The following SHANK2 variants were observed in gnomAD, a reference collection of about 807,000 sequenced individuals.
SHANK2 encodes the protein SH3 and multiple ankyrin repeat domains protein 2.
A neutral mutation model predicts 133.7 loss-of-function variants in SHANK2; 43 were observed. The observed-to-expected ratio is 0.32, with a 90% CI of 0.25 to 0.41. The LOEUF (loss-of-function observed/expected upper bound fraction) is 0.41, where lower values mean the gene tolerates loss of function less well. Among genes scored for constraint, SHANK2 ranks in the 10% least tolerant of loss-of-function variants. The probability of loss-of-function intolerance (pLI) is 1.00; values close to 1 mark genes in which losing one functional copy is unlikely to be tolerated. For synonymous variants in SHANK2, 1,017 were observed against 952.8 expected, an observed-to-expected ratio of 1.07 and a Z score of -1.24; for missense variants, 1,994 against 2,235.8, an observed-to-expected ratio of 0.89 and a Z score of 2.18.
intron 14 of SHANK2, among the ~76,000 whole-genome samples, chr11:70,776,094 C>T (rs752183607): frequency 3.6e-4 from 55 of 152,344 alleles, no homozygotes; most frequent in African/African-American, 5.8e-4. Context: ...AGCAAGAGAA[C>T]GCAGGTCTGT....
At chr11:70,605,936 A>T (rs947108147) in intron 17 of SHANK2, among the ~76,000 whole-genome samples, 1 of 152,120 alleles carries the variant, frequency 6.6e-6, no homozygotes, top group Non-Finnish European at 1.5e-5. Flanking sequence ...CCCTTCTAGA[A>T]CAACCTATTA....
At chr11:70,639,782 G>A (rs2061152709) in intron 17 of SHANK2, among the ~76,000 whole-genome samples, 1 of 152,110 alleles carries the variant, frequency 6.6e-6, no homozygotes, top group African/African-American at 2.4e-5. Flanking sequence ...GGTGGGTTCT[G>A]GCCTCCAGGG....
chr11:70,482,393 G>A (rs948171734), intron 25 of SHANK2, among the ~76,000 whole-genome samples: 27 of 152,212 alleles, frequency 1.8e-4, no homozygotes, highest in African/African-American at 6.0e-4. Flanking sequence ...GAGCAGCCCC[G>A]CCCGCGGCAG....
chr11:71,069,440 C>T (rs1951114134), intron 9 of SHANK2, among the ~76,000 whole-genome samples: 1 of 152,118 alleles, frequency 6.6e-6, no homozygotes, highest in Non-Finnish European at 1.5e-5. Flanking sequence ...TCACCACCAT[C>T]ATCAGCACCA....
At chr11:70,940,540 C>A (rs782455967) in intron 10 of SHANK2, among the ~76,000 whole-genome samples, 1 of 151,980 alleles carries the variant, frequency 6.6e-6, no homozygotes, top group South Asian at 2.1e-4. Context: ...TCTACCCACC[C>A]AGGCAGTGGT....
At chr11:70,760,630 G>C (rs909913797) in intron 14 of SHANK2, among the ~76,000 whole-genome samples, 1 of 152,250 alleles carries the variant, frequency 6.6e-6, no homozygotes, top group Non-Finnish European at 1.5e-5. Flanking sequence ...GAGGGGACTC[G>C]ATGAATCCCT....
At chr11:71,097,257 G>A (rs782666767) in intron 6 of SHANK2, among the ~76,000 whole-genome samples, 2 of 151,988 alleles carry the variant, frequency 1.3e-5, no homozygotes, top group Admixed American at 1.3e-4. Flanking sequence ...GAGCACGTCC[G>A]CTGAGGTTCC....
At chr11:70,904,463 C>T (rs533675961) in intron 10 of SHANK2, among the ~76,000 whole-genome samples, 32 of 151,980 alleles carry the variant, frequency 2.1e-4, no homozygotes, top group South Asian at 1.3e-3. Flanking sequence ...CTCATAGCTC[C>T]CATAATTCCC....
chr11:71,057,921 T>TG (rs1950941425), intron 9 of SHANK2, among the ~76,000 whole-genome samples: 1 of 150,038 alleles, frequency 6.7e-6, no homozygotes. Context: ...ACGGTTTTTT[T>TG]TTTTTTTTTT....
intron 21 of SHANK2, among the ~76,000 whole-genome samples, chr11:70,498,458 A>G (rs1485628688): frequency 2.6e-5 from 4 of 152,186 alleles, no homozygotes; most frequent in Non-Finnish European, 5.9e-5. Context: ...GTCTGAAGGT[A>G]CAGCCATAGG....
intron 17 of SHANK2, among the ~76,000 whole-genome samples, chr11:70,544,041 A>T (rs782521892): frequency 6.6e-6 from 1 of 152,236 alleles, no homozygotes; most frequent in South Asian, 2.1e-4. Context: ...AGTCCCCCCA[A>T]ATTTGGCCTC....
chr11:70,524,903 C>T (rs1342442583), intron 17 of SHANK2, among the ~76,000 whole-genome samples: 24 of 152,264 alleles, frequency 1.6e-4, no homozygotes, highest in Admixed American at 1.5e-3. Flanking sequence ...CGCACACAGG[C>T]ACGAGGCTTG....
At chr11:71,102,169 G>A (rs1555096753) in intron 6 of SHANK2, among the ~76,000 whole-genome samples, 2 of 152,068 alleles carry the variant, frequency 1.3e-5, no homozygotes, top group Admixed American at 1.3e-4. Context: ...TTCGCTTCCT[G>A]TTTGGGGCTT....
intron 15 of SHANK2, among the ~76,000 whole-genome samples, chr11:70,681,967 C>T (rs569772835): frequency 1.3e-5 from 2 of 152,186 alleles, no homozygotes; most frequent in South Asian, 2.1e-4. Context: ...CTAAGGGAAA[C>T]GCATCTGGGT....
intron 14 of SHANK2, among the ~76,000 whole-genome samples, chr11:70,759,328 T>C (rs2134965977): frequency 6.6e-6 from 1 of 151,278 alleles, no homozygotes; most frequent in South Asian, 2.1e-4. Context: ...CTAGTAAAAA[T>C]ACAAAAATTA....
Position 71,075,209 on chromosome 11 carries a change from G to T in SHANK2, c.979C>A (p.Gln327Lys). The part of the protein sequence containing the change: ...LLFYGADMSA[Q>K]NASGNTALHI... Reference sequence around the variant, plus strand: ...AAGGCCGTGTTCCCCGAGGCATTCTGGGCACTCATGTCTGCCCCGTAGAAC... The same window carrying T: ...AAGGCCGTGTTCCCCGAGGCATTCTTGGCACTCATGTCTGCCCCGTAGAAC... Residue 327 changes from glutamine to lysine, a missense_variant, in exon 9 of 26, where the codon CAG becomes AAG. This residue lies in a region of SHANK2 where 653 missense variants were observed against 563.4 expected (regional missense o/e 1.16). Coordinates refer to ENST00000601538, the MANE Select transcript of SHANK2 (RefSeq NM_012309.5). 1 of 261,380 alleles carries T rather than the reference G, an allele frequency of 3.8e-6. No homozygotes were observed. Among genetic ancestry groups the T allele is most frequent in the Non-Finnish European group, 7.8e-6 (1 of 127,702 alleles). 16.2% of individuals were successfully genotyped at this position (261,380 alleles called of 1,614,324 possible).
chr11:70,713,902 GC>G (rs1945852639), intron 14 of SHANK2, among the ~76,000 whole-genome samples: 1 of 152,256 alleles, frequency 6.6e-6, no homozygotes, highest in South Asian at 2.1e-4. Flanking sequence ...GTGCACACCA[GC>G]GATCTGTGCC....
rs996041990 is a variant in SHANK2, at chr11:70,739,442, G to A, written c.1778-40679C>T. On this transcript the variant is annotated intron_variant, in intron 14 of 25. Transcript: ENST00000601538. This position sits in a 1 kb window ranked among gnomAD's most constrained non-coding sequence, Gnocchi z 4.3. The stretch of plus-strand genomic sequence containing the variant: ...CCAGCCTTGACGCCCAGGCTGCCCC[G>A]TCCTCTCCTCTTGCCCCTGAAGTCT... Among the ~76,000 whole-genome samples, 9 of 152,182 alleles carry A rather than the reference G, an allele frequency of 5.9e-5. No homozygotes were observed. Among genetic ancestry groups the A allele is most frequent in the African/African-American group, 1.4e-4 (6 of 41,434 alleles).
At chr11:71,137,778 G>A (rs1220537135) in intron 3 of SHANK2, among the ~76,000 whole-genome samples, 12 of 152,248 alleles carry the variant, frequency 7.9e-5, no homozygotes, top group Non-Finnish European at 1.5e-4. Flanking sequence ...CTGCCATTCA[G>A]GATCACGACC....
Sources: gnomAD v4.1 joint callset for allele counts (sites outside exome capture counted in the v4.1 genomes callset) on GRCh38, gnomAD v4.1.1 for gene constraint, gnomAD v4.1.1 regional missense constraint, Gnocchi (gnomAD v3.1) non-coding constraint, MANE v1.5 for transcripts, NCBI Gene and HGNC (gene_info 2026-07-23, HGNC 2026-07-21) for gene names.